The following CLIC5 variants were observed in gnomAD, a reference collection of about 807,000 sequenced individuals.
CLIC5 encodes CLIC family member 5, also known as chloride intracellular channel protein 5.
In CLIC5, 20 loss-of-function variants were observed where a neutral mutation model predicts 24.7. The observed-to-expected ratio is 0.81, with a 90% CI of 0.57 to 1.18. The LOEUF (loss-of-function observed/expected upper bound fraction) is 1.18. Among genes scored for constraint, CLIC5 ranks in the 50% most tolerant of loss-of-function variants. The pLI is 0.00. For missense variants in CLIC5, 341 were observed against 326.1 expected, an observed-to-expected ratio of 1.05 and a Z score of -0.35; for synonymous variants, 159 against 135.6, an observed-to-expected ratio of 1.17 and a Z score of -1.20.
chr6:45,920,369 G>A (rs1561932954), intron 4 of CLIC5: 6 of 857,196 alleles, frequency 7.0e-6, no homozygotes, highest in Non-Finnish European at 8.4e-6. Context: ...TTTTTCCTAG[G>A]AGGAAAGAAA....
chr6:46,033,930 A>G (rs911793136), intron 1 of CLIC5, among the ~76,000 whole-genome samples: 1 of 152,234 alleles, frequency 6.6e-6, no homozygotes, highest in South Asian at 2.1e-4. Context: ...ATGTTAATAC[A>G]AGAGGTTATT....
At chr6:46,087,699 G>T in the CLIC5 span, among the ~76,000 whole-genome samples, 1 of 152,094 alleles carries the variant, frequency 6.6e-6, no homozygotes, top group African/African-American at 2.4e-5. Context: ...CAGTATAGAA[G>T]AGAAACATCT....
At chr6:46,016,426 C>T (rs2127447079), upstream of CLIC5, among the ~76,000 whole-genome samples, 1 of 152,212 alleles carries the variant, frequency 6.6e-6, no homozygotes, top group East Asian at 1.9e-4. Context: ...ACGGGCAGGG[C>T]AGGGCAGGGG....
At chr6:46,117,696 C>G in the CLIC5 span, among the ~76,000 whole-genome samples, 1 of 152,104 alleles carries the variant, frequency 6.6e-6, no homozygotes, top group Non-Finnish European at 1.5e-5. Flanking sequence ...TGATTAGAAA[C>G]AACAAATAAC....
chr6:46,117,345 C>T, the CLIC5 span, among the ~76,000 whole-genome samples: 1 of 152,184 alleles, frequency 6.6e-6, no homozygotes, highest in Non-Finnish European at 1.5e-5. Context: ...AGATCCAAAT[C>T]TTCAAAGGAG....
At chr6:45,918,587 T>C (rs146303597) in intron 4 of CLIC5, among the ~76,000 whole-genome samples, 34 of 152,328 alleles carry the variant, frequency 2.2e-4, no homozygotes, top group African/African-American at 6.7e-4. Flanking sequence ...CACGCTCAAC[T>C]TCTCATATAT....
At chr6:45,983,904 C>G (rs1429125814) in intron 1 of CLIC5, among the ~76,000 whole-genome samples, 2 of 152,156 alleles carry the variant, frequency 1.3e-5, no homozygotes, top group Non-Finnish European at 2.9e-5. Context: ...TCTTCTCTGT[C>G]TCATCCACTA....
At chr6:45,914,671 G>A (rs1440946690) in intron 4 of CLIC5, 3 of 468,666 alleles carry the variant, frequency 6.4e-6, no homozygotes, top group Non-Finnish European at 8.7e-6. Context: ...TAGAAACACA[G>A]TCTGGGTGTG....
intron 1 of CLIC5, among the ~76,000 whole-genome samples, chr6:46,060,414 G>GA (rs1330313286): frequency 6.6e-6 from 1 of 151,982 alleles, no homozygotes; most frequent in Non-Finnish European, 1.5e-5. Context: ...CAATCTCTGT[G>GA]AAAAAAGAGG....
At chr6:46,035,276 CTG>C (rs1417892758) in intron 1 of CLIC5, among the ~76,000 whole-genome samples, 1 of 152,038 alleles carries the variant, frequency 6.6e-6, no homozygotes, top group Non-Finnish European at 1.5e-5. Context: ...TTTCAAGCCA[CTG>C]AGTAATATTA....
chr6:46,053,852 C>T (rs530188583), intron 1 of CLIC5, among the ~76,000 whole-genome samples: 3 of 152,206 alleles, frequency 2.0e-5, no homozygotes, highest in Non-Finnish European at 2.9e-5. Context: ...CTGAAGAGCC[C>T]TGTAATTGAG....
At chr6:45,974,195 A>G (rs1402594890) in intron 1 of CLIC5, among the ~76,000 whole-genome samples, 1 of 151,846 alleles carries the variant, frequency 6.6e-6, no homozygotes, top group Non-Finnish European at 1.5e-5. Flanking sequence ...CAGGCTGGGA[A>G]TCAGAAATCC....
At chr6:46,071,608 T>G (rs557991545) in intron 1 of CLIC5, among the ~76,000 whole-genome samples, 2 of 152,194 alleles carry the variant, frequency 1.3e-5, no homozygotes, top group South Asian at 4.1e-4. Flanking sequence ...GTTGCAGAGA[T>G]TAATGACCAC....
At chr6:46,052,893 G>A (rs1424090803) in intron 1 of CLIC5, among the ~76,000 whole-genome samples, 1 of 152,100 alleles carries the variant, frequency 6.6e-6, no homozygotes, top group South Asian at 2.1e-4. Flanking sequence ...CACCCCAAAG[G>A]AATGATGATT....
intron 1 of CLIC5, among the ~76,000 whole-genome samples, chr6:45,986,324 C>A (rs1001007432): frequency 1.3e-5 from 2 of 152,176 alleles, no homozygotes; most frequent in South Asian, 4.1e-4. Flanking sequence ...TTGAATAAAG[C>A]TACCCAGATG....
chr6:45,896,796 A>T (rs1314951270), downstream of CLIC5, among the ~76,000 whole-genome samples: 2 of 152,160 alleles, frequency 1.3e-5, no homozygotes, highest in African/African-American at 2.4e-5. Flanking sequence ...CAGAGAGATG[A>T]TGTCTCCCAT....
chr6:46,007,900 G>GT (rs1261254146), intron 1 of CLIC5, among the ~76,000 whole-genome samples: 11 of 142,936 alleles, frequency 7.7e-5, no homozygotes, highest in East Asian at 2.0e-4. Flanking sequence ...GTTTTTTCCT[G>GT]TTTTTTTTCT....
intron 1 of CLIC5, among the ~76,000 whole-genome samples, chr6:45,971,841 G>A (rs1765211204): frequency 6.6e-6 from 1 of 152,208 alleles, no homozygotes; most frequent in African/African-American, 2.4e-5. Context: ...GAGGCCTGCT[G>A]AAGAATTAAA....
In CLIC5 at chr6:45,949,399, T is replaced by G. The variant is rs778909234; in HGVS notation, c.174-18A>C. 1 of 1,609,654 alleles carries G rather than the reference T, an allele frequency of 6.2e-7. No individual in the cohort carries two copies. The highest frequency in any genetic ancestry group is 8.5e-7 in the Non-Finnish European group (1 of 1,177,698). On this transcript the variant is annotated intron_variant, in intron 2 of 5. Coordinates refer to ENST00000339561, the MANE Select transcript of CLIC5 (RefSeq NM_016929.5). ...CTGGCTTTCTGTAGAGAGAGCAAGA[T>G]TCAGGTGTTGGCTTACAGCAGGGTG...
Sources: allele counts gnomAD v4.1 joint callset (sites outside exome capture counted in the v4.1 genomes callset), GRCh38; gene constraint gnomAD v4.1.1; transcripts MANE v1.5; gene names NCBI Gene and HGNC (gene_info 2026-07-23, HGNC 2026-07-21).